Variants in FBN3 observed in about 807,000 individuals in gnomAD.
FBN3 encodes fibrillin 3.
A neutral mutation model predicts 330.1 loss-of-function variants in FBN3; 234 were observed. The ratio of observed to expected loss-of-function variants is 0.71; its 90% confidence interval spans 0.64 to 0.79. The LOEUF (loss-of-function observed/expected upper bound fraction) is 0.79, where lower values mean the gene tolerates loss of function less well. Ranked by LOEUF, FBN3 falls within the 30% of genes least tolerant of loss-of-function variation. The pLI, the probability that FBN3 is intolerant of heterozygous loss-of-function variation, is 0.00. For missense variants in FBN3, 3,606 were observed against 3,886.9 expected (o/e 0.93, Z 1.92); for synonymous variants, 1,458 against 1,517.3 (o/e 0.96, Z 0.91).
chr19:8,147,601 C>CG, intron 1 of FBN3, 104 bp from the exon 2 acceptor site: 11 of 1,040,910 alleles, frequency 1.1e-5, no homozygotes, highest in Non-Finnish European at 1.4e-5. Flanking sequence ...GGGGCAGCCC[C>CG]GGGGCCTCTG....
intron 53 of FBN3, 133 bp from the exon 54 acceptor site, chr19:8,087,344 C>G: frequency 2.0e-6 from 2 of 1,016,536 alleles, no homozygotes; most frequent in Non-Finnish European, 2.7e-6. Flanking sequence ...GTCTATCCCT[C>G]TTAGGAAGGG....
rs992151007 is a variant in FBN3, at chr19:8,093,390, A to G, written c.5905+1056T>C. On this transcript the variant is annotated intron_variant, in intron 47 of 63. Transcript: ENST00000600128. ...TGTAATCCCAGCACTTTGGGAGGCCAAGGCGGGCAGATCACGAGGTCAGGA... is the reference window on the plus strand; with the variant it reads ...TGTAATCCCAGCACTTTGGGAGGCCGAGGCGGGCAGATCACGAGGTCAGGA... Among the ~76,000 whole-genome samples the G allele has an allele frequency of 1.1e-4, 16 of 152,078 alleles. 1 individual carries two copies. The highest frequency in any genetic ancestry group is 3.9e-4 in the Admixed American group (6 of 15,280).
At chr19:8,135,936 G>GGGGGGGGGGGGCCCCCCC in intron 13 of FBN3, 25 bp downstream of exon 13, 13 of 668,730 alleles carry the variant, frequency 1.9e-5, no homozygotes, top group Non-Finnish European at 2.6e-5. Context: ...GGAAGCCCCT[G>GGGGGGGGGGGGCCCCCCC]CCCACCCGCC....
chr19:8,109,477 C>T lies in FBN3; in HGVS notation c.4457-89G>A, dbSNP rs2082527834. On this transcript the variant is annotated intron_variant, in intron 35 of 63. Coordinates refer to ENST00000600128, the MANE Select transcript of FBN3 (RefSeq NM_032447.5). This position sits in a 1 kb window ranked among gnomAD's most constrained non-coding sequence, Gnocchi z 5.2. ...TGCATGTGTCTATTTCAACAGGTGA[C>T]AAGGACAACCACTCTTGCAGGAGAC... 6.5e-7 allele frequency: 1 copy of T among 1,545,414 alleles called. No homozygotes were observed. Among genetic ancestry groups the T allele is most frequent in the African/African-American group, 1.4e-5 (1 of 73,892 alleles).
intron 26 of FBN3, among the ~76,000 whole-genome samples, chr19:8,118,234 C>G (rs1377150926): frequency 6.6e-6 from 1 of 152,158 alleles, no homozygotes; most frequent in Non-Finnish European, 1.5e-5. Context: ...TATAAACATG[C>G]ATTTGCATCC....
chr19:8,118,777 TCAGA>T, intron 26 of FBN3, 116 bp downstream of exon 26: 1 of 1,297,448 alleles, frequency 7.7e-7, no homozygotes, highest in South Asian at 1.4e-5. Context: ...AGGTATGGCC[TCAGA>T]AAGACAGATA....
Position 8,147,345 on chromosome 19 carries a change from G to T in FBN3, c.136C>A (p.Arg46=), listed in dbSNP as rs142752628. The T allele has an allele frequency of 1.9e-6, 3 of 1,600,730 alleles. No individual in the cohort carries two copies. Among genetic ancestry groups the T allele is most frequent in the Non-Finnish European group, 2.6e-6 (3 of 1,175,568 alleles). Residue 46 remains arginine, a synonymous_variant, in exon 2 of 64, where the codon CGG becomes AGG. Coordinates refer to ENST00000600128, the MANE Select transcript of FBN3 (RefSeq NM_032447.5). ...ALEAAGPGRV[R]RRGSPGILQG... Reference sequence around the variant, plus strand: ...AAGATGCCTGGGCTGCCCCGCCTCCGCACACGTCCAGGACCTGCAGCCTCC... The same window carrying T: ...AAGATGCCTGGGCTGCCCCGCCTCCTCACACGTCCAGGACCTGCAGCCTCC...
intron 6 of FBN3, among the ~76,000 whole-genome samples, chr19:8,143,902 T>C (rs10412939): frequency 0.37 from 54,994 of 150,260 alleles, 11,099 homozygotes; most frequent in African/African-American, 0.54. Flanking sequence ...ACTGCAGCCT[T>C]GAACTCCTGG....
chr19:8,105,606 T>C (rs1278285650), intron 38 of FBN3, among the ~76,000 whole-genome samples: 1 of 152,158 alleles, frequency 6.6e-6, no homozygotes, highest in African/African-American at 2.4e-5. Context: ...TATTCTTCTT[T>C]TGGTTTTTTC....
chr19:8,106,800 T>C (rs1599356422), intron 37 of FBN3, among the ~76,000 whole-genome samples: 1 of 149,556 alleles, frequency 6.7e-6, no homozygotes, highest in East Asian at 2.0e-4. Flanking sequence ...GGTGGATGAA[T>C]GGGGGAATAG....
intron 61 of FBN3, 135 bp downstream of exon 61, chr19:8,074,936 A>T: frequency 8.3e-7 from 1 of 1,211,724 alleles, no homozygotes; most frequent in Non-Finnish European, 1.1e-6. Flanking sequence ...GGAACTCACT[A>T]CCTTCTGGGC....
Position 8,096,066 on chromosome 19 carries a change from C to A in FBN3, c.5554G>T (p.Asp1852Tyr). 6.2e-7 allele frequency: 1 copy of A among 1,613,716 alleles called. No homozygotes were observed. Among genetic ancestry groups the A allele is most frequent in the South Asian group, 1.1e-5 (1 of 91,040 alleles). Residue 1852 changes from aspartate to tyrosine, a missense_variant, in exon 45 of 64, where the codon GAC becomes TAC. Transcript: ENST00000600128. The surrounding 1 kb of genome is among the most constrained non-coding windows in gnomAD (Gnocchi z 4.6). Reference protein sequence around the residue: ...QTLCMDIDECDRQPCGNGTCK... With the variant: ...QTLCMDIDECYRQPCGNGTCK... The stretch of plus-strand genomic sequence containing the variant: ...GTCCCATTTCCACAAGGCTGCCGGT[C>A]ACACTCGTCAATGTCTGCAGAAGCA...
Position 8,072,118 on chromosome 19 carries a change from C to A in FBN3, c.8018G>T (p.Cys2673Phe). The change falls in exon 63 of 64, where the codon TGC (cysteine) becomes TTC (phenylalanine). Residue 2673 changes from cysteine to phenylalanine, a missense_variant. Transcript: ENST00000600128. ...GAGGCCATTGATCTTGCATTCGTAGCAGGCTTCAGACGAGAGCAGCTCCTC... is the reference window on the plus strand; with the variant it reads ...GAGGCCATTGATCTTGCATTCGTAGAAGGCTTCAGACGAGAGCAGCTCCTC... The part of the protein sequence containing the change: ...DKEELLSSEA[C>F]YECKINGLSP... 1 of 1,611,590 alleles carries A rather than the reference C, an allele frequency of 6.2e-7. No homozygotes were observed. Among genetic ancestry groups the A allele is most frequent in the Non-Finnish European group, 8.5e-7 (1 of 1,179,230 alleles).
rs1460305589 is a variant in FBN3, at chr19:8,094,559, T to C, written c.5792A>G (p.Asn1931Ser). 1.3e-5 allele frequency: 21 copies of C among 1,613,094 alleles called. No individual in the cohort carries two copies. Among genetic ancestry groups the C allele is most frequent in the Admixed American group, 8.3e-5 (5 of 59,894 alleles). Residue 1931 changes from asparagine to serine, a missense_variant, in exon 47 of 64, where the codon AAT becomes AGT. By Grantham distance (46) the Asn-to-Ser change is conservative. Coordinates refer to ENST00000600128, the MANE Select transcript of FBN3 (RefSeq NM_032447.5). ...TADGKNCVDT[N>S]ECLSLAGTCL... Reference sequence around the variant, plus strand: ...GGTTCCTGCAAGGCTGAGGCACTCATTGGTGTCTGTGAAAAGGAGGAAGAA... The same window carrying C: ...GGTTCCTGCAAGGCTGAGGCACTCACTGGTGTCTGTGAAAAGGAGGAAGAA...
intron 62 of FBN3, 42 bp downstream of exon 62, chr19:8,073,011 GCATGGACGCT>G: frequency 7.8e-6 from 9 of 1,158,216 alleles, no homozygotes; most frequent in Non-Finnish European, 1.0e-5. Context: ...GTGCGTGCGT[GCATGGACGCT>G]TGCGGGGCAT....
At position 8,066,097 on chromosome 19, in the gene FBN3, C is replaced by G. The variant is rs764446097; in HGVS notation, c.8252G>C (p.Arg2751Pro). Residue 2751 changes from arginine to proline, a missense_variant, in exon 64 of 64, where the codon CGC (arginine) becomes CCC (proline). By Grantham distance (103) the Arg-to-Pro change is moderately radical. Coordinates refer to ENST00000600128, the MANE Select transcript of FBN3 (RefSeq NM_032447.5). ...IVRGNEQGFF[R>P]MHHLRGVSSL... ...GCTGACGCCACGGAGGTGATGCATG[C>G]GAAAGAAACCTTGCTCGTTTCCGCG... 18 of 1,613,514 alleles carry G rather than the reference C, an allele frequency of 1.1e-5. No homozygotes were observed. Among genetic ancestry groups the G allele is most frequent in the Non-Finnish European group, 1.5e-5 (18 of 1,180,000 alleles).
At position 8,149,123 on chromosome 19, in the gene FBN3, G is replaced by T. The variant is rs890028063; in HGVS notation, c.-18+326C>A. On this transcript the variant is annotated intron_variant, in intron 1 of 63. Transcript: ENST00000600128. This position sits in a 1 kb window ranked among gnomAD's most constrained non-coding sequence, Gnocchi z 5.5. Reference sequence around the variant, plus strand: ...GCGAGGGATACCAAGCTTCGCCGACGGGGAGGGGGCGCCCCCGGAGCCCGC... The same window carrying T: ...GCGAGGGATACCAAGCTTCGCCGACTGGGAGGGGGCGCCCCCGGAGCCCGC... Among the ~76,000 whole-genome samples, 9 of 152,090 alleles carry T rather than the reference G, an allele frequency of 5.9e-5. No homozygotes were observed. Among genetic ancestry groups the T allele is most frequent in the African/African-American group, 2.2e-4 (9 of 41,440 alleles).
intron 22 of FBN3, among the ~76,000 whole-genome samples, 168 bp downstream of exon 22, chr19:8,125,724 G>A (rs373718391): frequency 1.3e-3 from 190 of 149,114 alleles, no homozygotes; most frequent in African/African-American, 4.4e-3. Context: ...CCGGGAGGCG[G>A]AAGTTACAGT....
chr19:8,129,329 G>A lies in FBN3; in HGVS notation c.2081C>T (p.Ala694Val), dbSNP rs756791031. 2.5e-6 allele frequency: 4 copies of A among 1,614,146 alleles called. 1 individual carries two copies. Among genetic ancestry groups the A allele is most frequent in the Non-Finnish European group, 3.4e-6 (4 of 1,180,010 alleles). ...CCGAAGGTTCTCGCACACGCCATTGGCACAAACCTCAGGATCCAGAGCACA... is the reference window on the plus strand; with the variant it reads ...CCGAAGGTTCTCGCACACGCCATTGACACAAACCTCAGGATCCAGAGCACA... ...NECALDPEVC[A>V]NGVCENLRGS... is the part of the protein sequence containing the mutation. The change falls in exon 17 of 64, where the codon GCC becomes GTC. Residue 694 changes from alanine to valine, a missense_variant. Physicochemically the swap from Ala to Val is moderately conservative, Grantham distance 64. Transcript: ENST00000600128. The surrounding 1 kb of genome is among the most constrained non-coding windows in gnomAD (Gnocchi z 4.5).
Sources: gnomAD v4.1 joint callset for allele counts (sites outside exome capture counted in the v4.1 genomes callset) on GRCh38, gnomAD v4.1.1 for gene constraint, Gnocchi (gnomAD v3.1) non-coding constraint, MANE v1.5 for transcripts, NCBI Gene and HGNC (gene_info 2026-07-23, HGNC 2026-07-21) for gene names.